GSN: variants seen among roughly 807,000 people sequenced by gnomAD.
GSN encodes the protein gelsolin.
GSN carries 56 observed loss-of-function variants against 85.7 expected under a neutral mutation model. The observed-to-expected ratio is 0.65, with a 90% CI of 0.53 to 0.82. The LOEUF (loss-of-function observed/expected upper bound fraction) is 0.82. Among genes scored for constraint, GSN ranks in the 40% least tolerant of loss-of-function variants. The pLI is 0.00. For missense variants in GSN, 857 were observed against 979.8 expected, an observed-to-expected ratio of 0.87 and a Z score of 1.67; for synonymous variants, 373 against 399.1, an observed-to-expected ratio of 0.93 and a Z score of 0.78.
At chr9:121,239,810 C>T (rs575426172) in intron 5 of GSN, 3 of 247,440 alleles carry the variant, frequency 1.2e-5, no homozygotes, top group South Asian at 1.2e-4. Flanking sequence ...TGAACCACTG[C>T]CTTGGAGCCA....
chr9:121,270,808 A>G (rs1168973497), intron 1 of GSN, among the ~76,000 whole-genome samples: 1 of 152,046 alleles, frequency 6.6e-6, no homozygotes, highest in African/African-American at 2.4e-5. Context: ...TGGGTCATAG[A>G]GATGATTTCT....
intron 10 of GSN, among the ~76,000 whole-genome samples, chr9:121,319,579 C>G (rs1358347980): frequency 6.6e-6 from 1 of 151,796 alleles, no homozygotes; most frequent in African/African-American, 2.4e-5. Flanking sequence ...TGCCTCGGCC[C>G]CCCAAAGTGT....
chr9:121,269,316 A>G (rs569732700), intron 1 of GSN, among the ~76,000 whole-genome samples: 2 of 152,246 alleles, frequency 1.3e-5, no homozygotes, highest in African/African-American at 2.4e-5. Context: ...ATCTTACCCC[A>G]TCTCCATTTC....
intron 4 of GSN, among the ~76,000 whole-genome samples, chr9:121,219,724 A>C (rs976715261): frequency 6.6e-6 from 1 of 152,174 alleles, no homozygotes; most frequent in Non-Finnish European, 1.5e-5. Flanking sequence ...TGTAAAAATG[A>C]GTGGCACCAG....
intron 6 of GSN, among the ~76,000 whole-genome samples, chr9:121,250,254 G>A (rs1300194450): frequency 6.7e-6 from 1 of 149,198 alleles, no homozygotes; most frequent in African/African-American, 2.5e-5. Flanking sequence ...GCCCAGGCCG[G>A]AGTGCAGTGG....
At chr9:121,313,871 A>G (rs895606738) in intron 6 of GSN, 63 bp from the exon 7 acceptor site, 12 of 1,278,126 alleles carry the variant, frequency 9.4e-6, no homozygotes, top group Non-Finnish European at 1.4e-5. Flanking sequence ...CCTGGGAGCT[A>G]TCTCAGGAGC....
chr9:121,306,696 T>C (rs1343900853), intron 4 of GSN, among the ~76,000 whole-genome samples: 3 of 152,260 alleles, frequency 2.0e-5, no homozygotes, highest in Admixed American at 1.3e-4. Context: ...GTGCTAAAGA[T>C]GATAGTCAAA....
intron 4 of GSN, chr9:121,308,875 C>T (rs1315953052): frequency 6.6e-6 from 1 of 152,298 alleles, no homozygotes; most frequent in Non-Finnish European, 1.5e-5. Context: ...AACACGTATA[C>T]TGCTGACACA....
At position 121,332,840 on chromosome 9, in the gene GSN, G is replaced by A. The variant is rs2064110422; in HGVS notation, c.*237G>A. 3.8e-6 allele frequency: 2 copies of A among 524,622 alleles called. No homozygotes were observed. Among genetic ancestry groups the A allele is most frequent in the Non-Finnish European group, 6.8e-6 (2 of 294,192 alleles). 32.5% of individuals were successfully genotyped at this position (524,622 alleles called of 1,614,324 possible). ...AAATCCAATAAAAACATTTTGAAGT[G>A]TGTACTCTAGTGTGGCTCGTTTCCT... On this transcript the variant is annotated 3_prime_UTR_variant, in exon 18 of 18. Transcript: ENST00000432226. The surrounding 1 kb of genome is among the most constrained non-coding windows in gnomAD (Gnocchi z 4.8).
intron 6 of GSN, chr9:121,313,422 G>A (rs770526052): frequency 2.3e-5 from 5 of 218,422 alleles, no homozygotes; most frequent in Middle Eastern, 1.8e-3. Flanking sequence ...CACCAACCAT[G>A]GCTTGGGAGG....
At chr9:121,225,671 A>T (rs939001887) in intron 4 of GSN, among the ~76,000 whole-genome samples, 1 of 152,220 alleles carries the variant, frequency 6.6e-6, no homozygotes, top group African/African-American at 2.4e-5. Flanking sequence ...CTTTCCTTTG[A>T]TGAGATGTAC....
At chr9:121,281,437 C>G in intron 1 of GSN, 33 bp from the exon 2 acceptor site, 1 of 371,990 alleles carries the variant, frequency 2.7e-6, no homozygotes, top group Non-Finnish European at 5.6e-6. Flanking sequence ...TGAACTCCCC[C>G]TGAGGCTGAC....
chr9:121,308,853 C>G (rs988577329), intron 4 of GSN: 1 of 152,294 alleles, frequency 6.6e-6, no homozygotes, highest in Admixed American at 6.5e-5. Context: ...CAGTGGGCAT[C>G]ATCATTTCAC....
rs765628943 is a variant in GSN, at chr9:121,328,874, G to A, written c.1763-17G>A. 33 of 1,609,720 alleles carry A rather than the reference G, an allele frequency of 2.1e-5. No individual in the cohort carries two copies. The highest frequency in any genetic ancestry group is 1.6e-4 in the Middle Eastern group (1 of 6,070). On this transcript the variant is annotated splice_polypyrimidine_tract_variant and intron_variant, in intron 14 of 17. Transcript: ENST00000432226. The stretch of plus-strand genomic sequence containing the variant: ...GTGATGGCGTCCCTTGGCAACTGGC[G>A]TGGCCTCCCCTCACAGATGGCTTCT...
Position 121,324,575 on chromosome 9 carries a change from G to A in GSN, c.1347G>A (p.Gln449=). 1 of 1,543,238 alleles carries A rather than the reference G, an allele frequency of 6.5e-7. No individual in the cohort carries two copies. Among genetic ancestry groups the A allele is most frequent in the Non-Finnish European group, 8.8e-7 (1 of 1,140,844 alleles). ...CCAGGCAGGGTGCCCAGTCTACCCA[G>A]GATGAGGTCGCTGCATCTGCCATCC... ...IYNWQGAQST[Q]DEVAASAILT... The change falls in exon 12 of 18, where the codon CAG becomes CAA. Residue 449 remains glutamine (Q), a synonymous_variant. Coordinates refer to ENST00000432226, the MANE Select transcript of GSN (RefSeq NM_198252.3).
Position 121,302,953 on chromosome 9 carries a change from T to C in GSN, c.239T>C (p.Phe80Ser). The change falls in exon 4 of 18, where the codon TTT (phenylalanine) becomes TCT (serine). Residue 80 changes from phenylalanine to serine, a missense_variant. Coordinates refer to ENST00000432226, the MANE Select transcript of GSN (RefSeq NM_198252.3). ...SQDESGAAAI[F>S]TVQLDDYLNG... ...GATGAGAGCGGGGCGGCCGCCATCT[T>C]TACCGTGCAGCTGGATGACTACCTG... 1.9e-6 allele frequency: 3 copies of C among 1,614,020 alleles called. No homozygotes were observed. The highest frequency in any genetic ancestry group is 2.5e-6 in the Non-Finnish European group (3 of 1,179,992).
chr9:121,324,735 GTCCA>G, intron 12 of GSN, 91 bp downstream of exon 12: 2 of 714,304 alleles, frequency 2.8e-6, no homozygotes. Context: ...CCATTCGTTT[GTCCA>G]TCTGTCTGTC....
At chr9:121,320,380 C>T (rs978474357) in intron 10 of GSN, among the ~76,000 whole-genome samples, 5 of 152,368 alleles carry the variant, frequency 3.3e-5, no homozygotes, top group Admixed American at 1.3e-4. Flanking sequence ...CACAGTGGCT[C>T]ACGCCTGTAA....
intron 2 of GSN, chr9:121,301,760 A>T: frequency 1.4e-6 from 1 of 725,160 alleles, no homozygotes; most frequent in South Asian, 1.7e-5. Flanking sequence ...GCCAGGGCAC[A>T]GGTTTTGAAG....
Sources: allele counts gnomAD v4.1 joint callset (sites outside exome capture counted in the v4.1 genomes callset), GRCh38; gene constraint gnomAD v4.1.1; non-coding constraint Gnocchi (gnomAD v3.1); transcripts MANE v1.5; gene names NCBI Gene and HGNC (gene_info 2026-07-23, HGNC 2026-07-21).